IER3IP1: variants seen among roughly 807,000 people sequenced by gnomAD.
IER3IP1 encodes immediate early response 3 interacting protein 1.
A neutral mutation model predicts 12.2 loss-of-function variants in IER3IP1; 16 were observed. The ratio of observed to expected loss-of-function variants is 1.31; its 90% CI spans 0.89 to 1.99. The LOEUF (loss-of-function observed/expected upper bound fraction) is 1.99. IER3IP1 is among the 30% of genes most tolerant of loss of function. IER3IP1 has a pLI of 0.00. For missense variants in IER3IP1, 95 were observed against 95.8 expected (o/e 0.99, Z 0.03); for synonymous variants, 42 against 40.0 (o/e 1.05, Z -0.19).
chr18:47,165,232 A>T (rs1568072759), intron 1 of IER3IP1, among the ~76,000 whole-genome samples: 1 of 152,192 alleles, frequency 6.6e-6, no homozygotes, highest in South Asian at 2.1e-4. Context: ...CTGCTAATGT[A>T]AGTTTTTAAA....
intron 1 of IER3IP1, among the ~76,000 whole-genome samples, chr18:47,174,208 A>C (rs888367378): frequency 2.0e-5 from 3 of 151,934 alleles, no homozygotes; most frequent in African/African-American, 7.3e-5. Context: ...TCTACTTTCT[A>C]CCTGTGTGTT....
At chr18:47,161,747 A>G (rs1161644423) in intron 1 of IER3IP1, among the ~76,000 whole-genome samples, 1 of 152,018 alleles carries the variant, frequency 6.6e-6, no homozygotes, top group East Asian at 1.9e-4. Context: ...AGTGCATTAC[A>G]TTTATTGTGT....
intron 1 of IER3IP1, among the ~76,000 whole-genome samples, chr18:47,157,902 AATT>A: frequency 6.6e-6 from 1 of 152,332 alleles, no homozygotes; most frequent in Middle Eastern, 3.4e-3. Flanking sequence ...CAAGCTATAT[AATT>A]ATTATAATTA....
rs772039958 is a variant in IER3IP1, at chr18:47,157,547, G to A, written c.92-10C>T. ...TCTGTTCCCCAGCCAACTGTATAAT[G>A]TAAAGATTAGCTGTGTTAAAAGTTA... On this transcript the variant is annotated splice_polypyrimidine_tract_variant and intron_variant, in intron 1 of 2. Transcript: ENST00000256433. The A allele has an allele frequency of 9.3e-6, 15 of 1,610,724 alleles. No individual in the cohort carries two copies. In the East Asian group the frequency reaches 2.0e-4, roughly 22 times the overall value.
At chr18:47,170,931 C>CA (rs1406992923) in intron 1 of IER3IP1, among the ~76,000 whole-genome samples, 1 of 152,084 alleles carries the variant, frequency 6.6e-6, no homozygotes, top group Non-Finnish European at 1.5e-5. Flanking sequence ...ATAAAAATGG[C>CA]AAGAGAGGAC....
intron 1 of IER3IP1, among the ~76,000 whole-genome samples, chr18:47,160,732 C>T (rs1361510913): frequency 6.6e-6 from 1 of 152,158 alleles, no homozygotes; most frequent in African/African-American, 2.4e-5. Context: ...ATTATGGCAT[C>T]CAGGACTTTT....
Position 47,153,842 on chromosome 18 carries a change from G to C in IER3IP1, c.*2335C>G, listed in dbSNP as rs1372624543. 1.3e-5 allele frequency: 2 copies of C among 152,176 alleles called. No homozygotes were observed. The highest frequency in any genetic ancestry group is 2.9e-5 in the Non-Finnish European group (2 of 68,048). 9.4% of individuals were successfully genotyped at this position (152,176 alleles called of 1,614,324 possible). On this transcript the variant is annotated 3_prime_UTR_variant, in exon 3 of 3. Coordinates refer to ENST00000256433, the MANE Select transcript of IER3IP1 (RefSeq NM_016097.5). ...GCCTGACAAGAGTGCAGTGGAGGCT[G>C]AATAGTGAGCCTTTGAATCCCAGCT...
Position 47,155,911 on chromosome 18 carries a change from C to G in IER3IP1, c.*266G>C, listed in dbSNP as rs767342552. On this transcript the variant is annotated 3_prime_UTR_variant, in exon 3 of 3. Transcript: ENST00000256433. ...TTGCACCCTTTTAACAATCTCACCA[C>G]AGCATGAACTACTATTAACACTGAG... The G allele has an allele frequency of 6.4e-5, 22 of 346,338 alleles. No homozygotes were observed. The highest frequency in any genetic ancestry group is 2.3e-4 in the Admixed American group (5 of 22,086). 21.5% of individuals were successfully genotyped at this position (346,338 alleles called of 1,614,324 possible). A position where few individuals can be genotyped will look rare whatever the true frequency, so the allele number is the denominator to read the frequency against.
Position 47,156,017 on chromosome 18 carries a change from A to G in IER3IP1, c.*160T>C. Reference sequence around the variant, plus strand: ...AATGAAACTACAAGTGCAACATTAAAAAAAAAAACAGATAAATAGAAACCC... The same window carrying G: ...AATGAAACTACAAGTGCAACATTAAGAAAAAAAACAGATAAATAGAAACCC... On this transcript the variant is annotated 3_prime_UTR_variant, in exon 3 of 3. Coordinates refer to ENST00000256433, the MANE Select transcript of IER3IP1 (RefSeq NM_016097.5). 1 of 612,352 alleles carries G rather than the reference A, an allele frequency of 1.6e-6. No individual in the cohort carries two copies. 37.9% of individuals were successfully genotyped at this position (612,352 alleles called of 1,614,324 possible). A position where few individuals can be genotyped will look rare whatever the true frequency, so the allele number is the denominator to read the frequency against.
chr18:47,157,434 A>G lies in IER3IP1; in HGVS notation c.193+2T>C, dbSNP rs768350766. On this transcript the variant is annotated splice_donor_variant, in intron 2 of 2. Transcript: ENST00000256433. LOFTEE classifies it high-confidence loss of function. ...GAATGCTCTATTAGCTTTTCTTCTT[A>G]CCTCTCATCACGGTTCTTACAGATC... is the stretch of plus-strand genomic sequence containing the variant. 1.2e-6 allele frequency: 2 copies of G among 1,611,600 alleles called. No individual in the cohort carries two copies. The highest frequency in any genetic ancestry group is 1.7e-6 in the Non-Finnish European group (2 of 1,177,750).
At chr18:47,170,126 A>G (rs1171945985) in intron 1 of IER3IP1, among the ~76,000 whole-genome samples, 2 of 152,032 alleles carry the variant, frequency 1.3e-5, no homozygotes, top group African/African-American at 2.4e-5. Flanking sequence ...TAGGAGTCCA[A>G]TTTTACTTTT....
rs181051042 is a variant in IER3IP1, at chr18:47,158,206, A to G, written c.92-669T>C. Among the ~76,000 whole-genome samples the G allele has an allele frequency of 4.8e-3, 728 of 152,312 alleles. 5 individuals carry two copies. The highest frequency in any genetic ancestry group is 7.7e-3 in the Non-Finnish European group (525 of 68,024). The stretch of plus-strand genomic sequence containing the variant: ...TTTAGATTCTTTTTCAAAAATTACC[A>G]TAATATAGAGACAGGGTCTCACTTT... On this transcript the variant is annotated intron_variant, in intron 1 of 2. Coordinates refer to ENST00000256433, the MANE Select transcript of IER3IP1 (RefSeq NM_016097.5).
chr18:47,163,818 T>A (rs2063987452), intron 1 of IER3IP1, among the ~76,000 whole-genome samples: 1 of 152,186 alleles, frequency 6.6e-6, no homozygotes, highest in Non-Finnish European at 1.5e-5. Flanking sequence ...CCCCACAACA[T>A]GAATATCCTG....
At chr18:47,173,603 T>G (rs1483554380) in intron 1 of IER3IP1, among the ~76,000 whole-genome samples, 1 of 152,158 alleles carries the variant, frequency 6.6e-6, no homozygotes, top group Non-Finnish European at 1.5e-5. Context: ...CTTGGCCTCC[T>G]AAAGTGCTAG....
At position 47,154,588 on chromosome 18, in the gene IER3IP1, T is replaced by G. The variant is rs187035292; in HGVS notation, c.*1589A>C. 2 of 152,340 alleles carry G rather than the reference T, an allele frequency of 1.3e-5. No homozygotes were observed. Among genetic ancestry groups the G allele is most frequent in the East Asian group, 3.9e-4 (2 of 5,194 alleles). 9.4% of individuals were successfully genotyped at this position (152,340 alleles called of 1,614,324 possible). On this transcript the variant is annotated 3_prime_UTR_variant, in exon 3 of 3. Transcript: ENST00000256433. ...ATGGGCCTGCCCTCAAGTAACTGCT[T>G]CTTTTGAATCTTTTCAGTAGCTCAA...
chr18:47,157,735 C>G (rs1022258747), intron 1 of IER3IP1, among the ~76,000 whole-genome samples, 198 bp from the exon 2 acceptor site: 1 of 152,222 alleles, frequency 6.6e-6, no homozygotes, highest in Admixed American at 6.5e-5. Flanking sequence ...CCTCATTTCA[C>G]TACATTTACA....
chr18:47,173,676 G>A (rs2064022394), intron 1 of IER3IP1, among the ~76,000 whole-genome samples: 1 of 152,058 alleles, frequency 6.6e-6, no homozygotes, highest in Admixed American at 6.5e-5. Context: ...AAAATTCCTA[G>A]GGCTGCCATA....
intron 1 of IER3IP1, among the ~76,000 whole-genome samples, chr18:47,171,703 CT>C (rs569993715): frequency 2.6e-5 from 4 of 151,050 alleles, no homozygotes; most frequent in Middle Eastern, 6.9e-3. Flanking sequence ...CTTCCTTTTG[CT>C]TTTTTTTTGT....
At chr18:47,176,048 G>C (rs983154086) in intron 1 of IER3IP1, 139 bp downstream of exon 1, 1 of 744,410 alleles carries the variant, frequency 1.3e-6, no homozygotes, top group Non-Finnish European at 2.3e-6. Context: ...TGAGAGGAAA[G>C]GCTCGGCTTC....
Sources: gnomAD v4.1 joint callset for allele counts (sites outside exome capture counted in the v4.1 genomes callset) on GRCh38, gnomAD v4.1.1 for gene constraint, MANE v1.5 for transcripts, NCBI Gene and HGNC (gene_info 2026-07-23, HGNC 2026-07-21) for gene names.